Variants in TCERG1 observed in about 807,000 individuals in gnomAD.
TCERG1 encodes transcription elongation regulator 1.
TCERG1 carries 37 observed loss-of-function variants against 144.7 expected under a neutral mutation model. The observed-to-expected ratio is 0.26, with a 90% CI of 0.20 to 0.34. TCERG1 has a LOEUF of 0.34. TCERG1 is among the 10% of genes least tolerant of loss of function. The probability of loss-of-function intolerance (pLI) is 1.00; values close to 1 mark genes in which losing one functional copy is unlikely to be tolerated. For synonymous variants in TCERG1, 492 were observed against 458.2 expected (o/e 1.07, Z -0.94); for missense variants, 1,027 against 1,380.7 (o/e 0.74, Z 4.06).
intron 16 of TCERG1, 47 bp from the exon 17 acceptor site, chr5:146,498,489 A>G (rs771068347): frequency 2.6e-6 from 4 of 1,561,634 alleles, no homozygotes; most frequent in Middle Eastern, 1.7e-4. Flanking sequence ...GCCTTTATAC[A>G]AGCAGAAGTA....
chr5:146,470,245 C>T (rs1764162550), intron 7 of TCERG1, among the ~76,000 whole-genome samples: 1 of 152,122 alleles, frequency 6.6e-6, no homozygotes, highest in African/African-American at 2.4e-5. Context: ...TTAAGCAATC[C>T]TTCTGCCTCA....
Position 146,510,691 on chromosome 5 carries a change from C to A in TCERG1, c.*49C>A. 1 of 1,558,644 alleles carries A rather than the reference C, an allele frequency of 6.4e-7. No homozygotes were observed. Among genetic ancestry groups the A allele is most frequent in the Non-Finnish European group, 8.7e-7 (1 of 1,149,950 alleles). ...CATCTATTCAAAATGCTTGCATGAG[C>A]CAATTTTCAGGTTTTTACATATATG... On this transcript the variant is annotated 3_prime_UTR_variant, in exon 23 of 23. Transcript: ENST00000679501.
chr5:146,461,528 T>A (rs1031658088), intron 4 of TCERG1, among the ~76,000 whole-genome samples: 1 of 152,162 alleles, frequency 6.6e-6, no homozygotes, highest in East Asian at 1.9e-4. Context: ...GCTTTTGTTC[T>A]TTTCCTGTCG....
At chr5:146,473,418 C>G (rs542080743) in intron 9 of TCERG1, among the ~76,000 whole-genome samples, 2 of 152,154 alleles carry the variant, frequency 1.3e-5, no homozygotes, top group East Asian at 3.8e-4. Context: ...GGAAGCAGCA[C>G]GTGCTGATGT....
intron 5 of TCERG1, among the ~76,000 whole-genome samples, chr5:146,466,198 A>G (rs1406190734): frequency 6.6e-6 from 1 of 152,194 alleles, no homozygotes; most frequent in Non-Finnish European, 1.5e-5. Flanking sequence ...CTTTGGTTTT[A>G]CAAACAATGA....
chr5:146,504,540 G>A (rs951588229), intron 19 of TCERG1: 8 of 152,340 alleles, frequency 5.3e-5, no homozygotes, highest in African/African-American at 1.4e-4. Context: ...CTAGACTACC[G>A]TCCTACTTGC....
chr5:146,467,956 T>C (rs866244077), intron 5 of TCERG1, among the ~76,000 whole-genome samples: 1 of 152,236 alleles, frequency 6.6e-6, no homozygotes, highest in Non-Finnish European at 1.5e-5. Flanking sequence ...CTTGTCAGTG[T>C]CATGCTGCAT....
chr5:146,471,694 G>A (rs1764323274), intron 9 of TCERG1, 118 bp downstream of exon 9: 8 of 675,790 alleles, frequency 1.2e-5, no homozygotes, highest in Admixed American at 2.9e-5. Flanking sequence ...CACCTCCCTA[G>A]TTCAAGCGAT....
rs528556803 is a variant in TCERG1, at chr5:146,459,018, T to G, written c.573T>G (p.Ala191=). Residue 191 remains alanine, a synonymous_variant, in exon 4 of 23, where the codon GCT becomes GCG. Coordinates refer to ENST00000679501, the MANE Select transcript of TCERG1 (RefSeq NM_001382548.1). ...AQVQAQAQAQ[A]QAQAQAQAQA... ...TTCAGGCTCAGGCCCAGGCGCAGGC[T>G]CAGGCCCAGGCGCAGGCTCAGGCCC... 6.2e-7 allele frequency: 1 copy of G among 1,612,952 alleles called. No individual in the cohort carries two copies. Among genetic ancestry groups the G allele is most frequent in the Admixed American group, 1.7e-5 (1 of 59,928 alleles).
At chr5:146,463,413 A>C in intron 4 of TCERG1, 138 bp from the exon 5 acceptor site, 1 of 1,227,346 alleles carries the variant, frequency 8.1e-7, no homozygotes, top group Non-Finnish European at 1.1e-6. Context: ...TCTTGAAGAT[A>C]AGACCTTTTG....
chr5:146,465,566 T>C (rs1316020566), intron 5 of TCERG1, among the ~76,000 whole-genome samples: 2 of 152,118 alleles, frequency 1.3e-5, no homozygotes, highest in African/African-American at 4.8e-5. Context: ...TTAAAAAGAT[T>C]TGGACAGGTG....
intron 15 of TCERG1, among the ~76,000 whole-genome samples, chr5:146,487,418 A>G (rs1004113921): frequency 6.6e-6 from 1 of 152,156 alleles, no homozygotes; most frequent in Non-Finnish European, 1.5e-5. Flanking sequence ...TCTGTATCAA[A>G]ATACGAGTGA....
chr5:146,462,571 A>G (rs1032330912), intron 4 of TCERG1, among the ~76,000 whole-genome samples: 4 of 152,202 alleles, frequency 2.6e-5, no homozygotes, highest in Non-Finnish European at 4.4e-5. Context: ...GCAGAACCCA[A>G]ATGATCCTGA....
chr5:146,504,131 T>C lies in TCERG1; in HGVS notation c.2781+125T>C, dbSNP rs1040315648. The C allele has an allele frequency of 1.5e-5, 16 of 1,040,516 alleles. 1 individual carries two copies. In the East Asian group the frequency reaches 4.3e-4, roughly 28 times the overall value. The allele number at this position is 1,040,516 out of a possible 1,614,324, so 64.5% of individuals were successfully genotyped here. A position where few individuals can be genotyped will look rare whatever the true frequency, so the allele number is the denominator to read the frequency against. On this transcript the variant is annotated intron_variant, in intron 19 of 22. Transcript: ENST00000679501. ...AGATAATTTGCTAAATTAGAAAGCA[T>C]TTAAAAATTGAATACTTGGTATTAG... is the stretch of plus-strand genomic sequence containing the variant.
At chr5:146,455,817 T>G (rs1762780313) in intron 2 of TCERG1, among the ~76,000 whole-genome samples, 1 of 152,194 alleles carries the variant, frequency 6.6e-6, no homozygotes, top group South Asian at 2.1e-4. Context: ...TGAAAACGAT[T>G]TATTATGGGA....
intron 17 of TCERG1, among the ~76,000 whole-genome samples, chr5:146,501,648 T>C (rs1380905367): frequency 6.6e-6 from 1 of 152,174 alleles, no homozygotes; most frequent in Admixed American, 6.5e-5. Context: ...TCATGTCAGA[T>C]ACAAAGTAGA....
At chr5:146,466,693 G>A (rs1763820763) in intron 5 of TCERG1, among the ~76,000 whole-genome samples, 1 of 152,142 alleles carries the variant, frequency 6.6e-6, no homozygotes, top group Non-Finnish European at 1.5e-5. Context: ...TATCTTTTTA[G>A]CATGAGAAGA....
At chr5:146,448,335 T>C (rs1003425778) in intron 1 of TCERG1, among the ~76,000 whole-genome samples, 2 of 151,964 alleles carry the variant, frequency 1.3e-5, no homozygotes, top group Admixed American at 6.5e-5. Context: ...GACCTTTTTT[T>C]CCCCTGGAAC....
chr5:146,498,507 A>C, intron 16 of TCERG1, 29 bp from the exon 17 acceptor site: 3 of 1,583,710 alleles, frequency 1.9e-6, no homozygotes, highest in Non-Finnish European at 2.6e-6. Context: ...GTAACTGCCA[A>C]AGTTAGCACA....
Sources: allele counts gnomAD v4.1 joint callset (sites outside exome capture counted in the v4.1 genomes callset), GRCh38; gene constraint gnomAD v4.1.1; transcripts MANE v1.5; gene names NCBI Gene and HGNC (gene_info 2026-07-23, HGNC 2026-07-21).